The following SIAH3 variants were observed in gnomAD, a reference collection of about 807,000 sequenced individuals.
SIAH3 encodes seven in absentia homolog 3.
In SIAH3, 9 loss-of-function variants were observed where a neutral mutation model predicts 12.6. The observed-to-expected ratio is 0.72, with a 90% CI of 0.43 to 1.25. The LOEUF (loss-of-function observed/expected upper bound fraction) is 1.25, where lower values mean the gene tolerates loss of function less well. Ranked by LOEUF, SIAH3 falls within the 50% of genes most tolerant of loss-of-function variation. The pLI, the probability that SIAH3 is intolerant of heterozygous loss-of-function variation, is 0.00. For synonymous variants in SIAH3, 154 were observed against 151.1 expected, an observed-to-expected ratio of 1.02 and a Z score of -0.14; for missense variants, 390 against 365.4, an observed-to-expected ratio of 1.07 and a Z score of -0.55.
rs1338879442 is a variant in SIAH3, at chr13:45,780,380, CCCT to C, written c.*3000_*3002del. On this transcript the variant is annotated 3_prime_UTR_variant, in exon 2 of 2. Transcript: ENST00000400405. Reference sequence around the variant, plus strand: ...TCAACCTCCTGGGCTCAAGCCATCCCCCTGTCTTGGCCTCCGAGTAGTTAAGAC... The same window carrying C: ...TCAACCTCCTGGGCTCAAGCCATCCCGTCTTGGCCTCCGAGTAGTTAAGAC... The C allele has an allele frequency of 6.6e-6, 1 of 152,230 alleles. No homozygotes were observed. The highest frequency in any genetic ancestry group is 2.4e-5 in the African/African-American group (1 of 41,418). The allele number at this position is 152,230 out of a possible 1,614,324, so 9.4% of individuals were successfully genotyped here.
At chr13:45,813,339 T>C (rs1373789763) in intron 1 of SIAH3, among the ~76,000 whole-genome samples, 2 of 152,174 alleles carry the variant, frequency 1.3e-5, no homozygotes, top group Non-Finnish European at 1.5e-5. Context: ...AAAGAGGCTG[T>C]CTGGCCTCCC....
intron 1 of SIAH3, 128 bp from the exon 2 acceptor site, chr13:45,784,185 C>CAACA (rs10578981): frequency 0.097 from 67,844 of 700,046 alleles, 4,563 homozygotes; most frequent in East Asian, 0.36. Context: ...ATTTCTTAAA[C>CAACA]AACAAACAAA....
At chr13:45,804,796 A>C (rs1298098009) in intron 1 of SIAH3, among the ~76,000 whole-genome samples, 1 of 152,100 alleles carries the variant, frequency 6.6e-6, no homozygotes, top group Non-Finnish European at 1.5e-5. Flanking sequence ...CATTGATGAC[A>C]TGATTCTATA....
chr13:45,823,036 C>T (rs1019652640), intron 1 of SIAH3, among the ~76,000 whole-genome samples: 6 of 152,122 alleles, frequency 3.9e-5, no homozygotes, highest in African/African-American at 1.4e-4. Flanking sequence ...AGATCTAACC[C>T]GTCCCCTCTG....
intron 1 of SIAH3, among the ~76,000 whole-genome samples, chr13:45,799,910 T>C (rs929465478): frequency 2.0e-5 from 3 of 152,240 alleles, no homozygotes; most frequent in Admixed American, 1.3e-4. Flanking sequence ...GGAAAATGTA[T>C]GTAACATATT....
chr13:45,818,135 G>A (rs1950641372), intron 1 of SIAH3, among the ~76,000 whole-genome samples: 1 of 152,100 alleles, frequency 6.6e-6, no homozygotes, highest in African/African-American at 2.4e-5. Flanking sequence ...CACCTCCCAG[G>A]GTCCCCAGGG....
intron 1 of SIAH3, among the ~76,000 whole-genome samples, chr13:45,826,445 A>ATGGGTGGGTGCGTGGG (rs1950676937): frequency 2.1e-5 from 1 of 46,512 alleles, no homozygotes; most frequent in African/African-American, 1.1e-4. Context: ...GGATGCATGG[A>ATGGGTGGGTGCGTGGG]TGGATGGATG....
rs1950488300 is a variant in SIAH3, at chr13:45,777,412, T to C, written c.*5971A>G. 2 of 152,236 alleles carry C rather than the reference T, an allele frequency of 1.3e-5. No individual in the cohort carries two copies. The highest frequency in any genetic ancestry group is 4.1e-4 in the South Asian group (2 of 4,826). The allele number at this position is 152,236 out of a possible 1,614,324, so 9.4% of individuals were successfully genotyped here. A position where few individuals can be genotyped will look rare whatever the true frequency, so the allele number is the denominator to read the frequency against. On this transcript the variant is annotated 3_prime_UTR_variant, in exon 2 of 2. Coordinates refer to ENST00000400405, the MANE Select transcript of SIAH3 (RefSeq NM_198849.3). Reference sequence around the variant, plus strand: ...AAAATGCTTCTCAATTTCCTTTCTCTTTCTTATCTCAATACCCTAAAAAAA... The same window carrying C: ...AAAATGCTTCTCAATTTCCTTTCTCCTTCTTATCTCAATACCCTAAAAAAA...
rs186215728 is a variant in SIAH3, at chr13:45,846,379, C to T, written c.135+5116G>A. On this transcript the variant is annotated intron_variant, in intron 1 of 1. Coordinates refer to ENST00000400405, the MANE Select transcript of SIAH3 (RefSeq NM_198849.3). Reference sequence around the variant, plus strand: ...TGCTGGGATTACAGGCGTGAGCCACCGCACCTGACCTAGAAGACCTAACTT... The same window carrying T: ...TGCTGGGATTACAGGCGTGAGCCACTGCACCTGACCTAGAAGACCTAACTT... 5.3e-5 allele frequency among the ~76,000 whole-genome samples: 8 copies of T among 152,128 alleles called. No individual in the cohort carries two copies. The South Asian group carries it at 1.0e-3, about 20-fold the overall frequency.
chr13:45,819,364 A>T (rs980698993), intron 1 of SIAH3, among the ~76,000 whole-genome samples: 1 of 152,196 alleles, frequency 6.6e-6, no homozygotes, highest in African/African-American at 2.4e-5. Flanking sequence ...AACAGTGTGC[A>T]CCCATTCACA....
At chr13:45,812,790 AT>A (rs1950620489) in intron 1 of SIAH3, among the ~76,000 whole-genome samples, 1 of 152,198 alleles carries the variant, frequency 6.6e-6, no homozygotes, top group Non-Finnish European at 1.5e-5. Flanking sequence ...ATTTCCTAGG[AT>A]TTTTTGTTGC....
intron 1 of SIAH3, among the ~76,000 whole-genome samples, chr13:45,830,774 A>G (rs1343633472): frequency 1.3e-5 from 2 of 152,160 alleles, no homozygotes; most frequent in East Asian, 3.9e-4. Context: ...AGGTTTGAGG[A>G]AGGGCTCTGA....
chr13:45,783,666 C>G lies in SIAH3; in HGVS notation c.527G>C (p.Arg176Thr), dbSNP rs769007625. The G allele has an allele frequency of 6.2e-6, 10 of 1,613,996 alleles. No individual in the cohort carries two copies. In the Admixed American group the frequency reaches 1.2e-4, roughly 19 times the overall value. ...AAAGAACTGGGGGTGCCCTTCATGC[C>G]TCTCCTGTTTCCTCAGCACCAACAG... ...HFLLVLRKQE[R>T]HEGHPQFFAT... Residue 176 changes from arginine (R) to threonine (T), a missense_variant, in exon 2 of 2, where the codon AGG (arginine) becomes ACG (threonine). Transcript: ENST00000400405.
intron 1 of SIAH3, among the ~76,000 whole-genome samples, chr13:45,833,190 A>C (rs1950705700): frequency 6.6e-6 from 1 of 152,184 alleles, no homozygotes; most frequent in Non-Finnish European, 1.5e-5. Flanking sequence ...GGTGTCAATA[A>C]ATATATGCTC....
intron 1 of SIAH3, among the ~76,000 whole-genome samples, chr13:45,789,401 T>TATCTATC (rs1397746783): frequency 6.2e-5 from 5 of 80,230 alleles, no homozygotes; most frequent in African/African-American, 2.2e-4. Context: ...TCTATCTATC[T>TATCTATC]ATCTATCTAT....
intron 1 of SIAH3, among the ~76,000 whole-genome samples, chr13:45,801,185 T>C (rs190194435): frequency 6.6e-6 from 1 of 152,222 alleles, no homozygotes; most frequent in East Asian, 1.9e-4. Context: ...TTTTGCAATA[T>C]ATGTGTGCAT....
chr13:45,849,535 T>A (rs1480860137), intron 1 of SIAH3, among the ~76,000 whole-genome samples: 1 of 152,142 alleles, frequency 6.6e-6, no homozygotes, highest in Non-Finnish European at 1.5e-5. Context: ...AGGGCAGATG[T>A]TCATCAGCCC....
chr13:45,838,989 G>A (rs899291640), intron 1 of SIAH3, among the ~76,000 whole-genome samples: 1 of 152,058 alleles, frequency 6.6e-6, no homozygotes, highest in East Asian at 1.9e-4. Flanking sequence ...AAGGGGAAGC[G>A]TTTACCAGAA....
At chr13:45,848,271 G>A (rs1950767608) in intron 1 of SIAH3, among the ~76,000 whole-genome samples, 1 of 152,226 alleles carries the variant, frequency 6.6e-6, no homozygotes, top group Non-Finnish European at 1.5e-5. Flanking sequence ...ACCCTAATCT[G>A]TGCAAGTGGT....
Sources: allele counts gnomAD v4.1 joint callset (sites outside exome capture counted in the v4.1 genomes callset), GRCh38; gene constraint gnomAD v4.1.1; transcripts MANE v1.5; gene names NCBI Gene and HGNC (gene_info 2026-07-23, HGNC 2026-07-21).